The following MYO19 variants were observed in gnomAD, a reference collection of about 807,000 sequenced individuals.
The protein encoded by MYO19 is unconventional myosin-XIX.
MYO19 carries 132 observed loss-of-function variants against 129.2 expected under a neutral mutation model. That is an observed-to-expected ratio of 1.02 (90% CI 0.89 to 1.18). The LOEUF (loss-of-function observed/expected upper bound fraction) is 1.18. Among genes scored for constraint, MYO19 ranks in the 50% most tolerant of loss-of-function variants. The pLI is 0.00. For synonymous variants in MYO19, 531 were observed against 477.2 expected (o/e 1.11, Z -1.47); for missense variants, 1,210 against 1,216.7 (o/e 0.99, Z 0.08).
Position 36,498,496 on chromosome 17 carries a change from C to G in MYO19, c.2527G>C (p.Ala843Pro), listed in dbSNP as rs1253652833. The G allele has an allele frequency of 6.2e-7, 1 of 1,614,050 alleles. No homozygotes were observed. The highest frequency in any genetic ancestry group is 8.5e-7 in the Non-Finnish European group (1 of 1,179,898). The change falls in exon 25 of 26, where the codon GCT becomes CCT. Residue 843 changes from alanine to proline, a missense_variant. Coordinates refer to ENST00000614623, the MANE Select transcript of MYO19 (RefSeq NM_001163735.2). ...GGCGAGGTGCTCAGGGAACAGGGAG[C>G]TTGAGAGAAGTGTTTTTCTTCCACA... ...DGVEEKHFSQ[A>P]PCSLSTSPLQ...
In MYO19 at chr17:36,507,793, C is replaced by A. The variant is rs1329162495; in HGVS notation, c.1353+10G>T. 3 of 1,602,040 alleles carry A rather than the reference C, an allele frequency of 1.9e-6. No individual in the cohort carries two copies. The highest frequency in any genetic ancestry group is 1.7e-5 in the Admixed American group (1 of 58,720). On this transcript the variant is annotated intron_variant, in intron 15 of 25. Coordinates refer to ENST00000614623, the MANE Select transcript of MYO19 (RefSeq NM_001163735.2). ...AGAAGGACCTGCCTCCTGCTCACCC[C>A]ATCCCTCACCTGCTGGGCCCTTAGG...
At chr17:36,498,221 C>A in intron 25 of MYO19, 45 bp downstream of exon 25, 1 of 1,574,772 alleles carries the variant, frequency 6.4e-7, no homozygotes, top group Non-Finnish European at 8.6e-7. Flanking sequence ...TTTGCTCCTG[C>A]TGTTCTCAGG....
Position 36,502,994 on chromosome 17 carries a change from T to G in MYO19, c.2080+103A>C, listed in dbSNP as rs1022821541. Reference sequence around the variant, plus strand: ...ACTGAACCAAAACCAGGGCTGTGTTTTATTCACCAGTAAGCCCCAGCCCCT... The same window carrying G: ...ACTGAACCAAAACCAGGGCTGTGTTGTATTCACCAGTAAGCCCCAGCCCCT... On this transcript the variant is annotated intron_variant, in intron 21 of 25. Transcript: ENST00000614623. The G allele has an allele frequency of 2.0e-5, 19 of 951,970 alleles. No homozygotes were observed. In the African/African-American group the frequency reaches 2.5e-4, roughly 12 times the overall value. The allele number at this position is 951,970 out of a possible 1,614,324, so 59.0% of individuals were successfully genotyped here.
chr17:36,537,396 C>T (rs745493713), upstream of MYO19: 18 of 1,613,806 alleles, frequency 1.1e-5, no homozygotes, highest in South Asian at 5.5e-5. Context: ...TCAAATATAC[C>T]GAAGGAGGAC....
rs1186523222 is a variant in MYO19, at chr17:36,527,666, T to C, written c.185A>G (p.Asp62Gly). 6.2e-7 allele frequency: 1 copy of C among 1,613,752 alleles called. No individual in the cohort carries two copies. The highest frequency in any genetic ancestry group is 8.5e-7 in the Non-Finnish European group (1 of 1,179,840). ...GCAGCCAGCATTGGTGTAGAATGTG[T>C]CTGCCATGTACCGGGCCTGCAGGCA... ...LRCLQARYMA[D>G]TFYTNAGCTL... is the part of the protein sequence containing the mutation. Residue 62 changes from aspartate to glycine, a missense_variant, in exon 5 of 26, where the codon GAC (aspartate) becomes GGC (glycine). Physicochemically the swap from Asp to Gly is moderately conservative, Grantham distance 94. Transcript: ENST00000614623.
rs757136676 is a variant in MYO19 at position 36,501,108 on chromosome 17, C to T, written c.2208G>A (p.Met736Ile). The T allele has an allele frequency of 6.2e-7, 1 of 1,613,952 alleles. No individual in the cohort carries two copies. Among genetic ancestry groups the T allele is most frequent in the Admixed American group, 1.7e-5 (1 of 60,022 alleles). ...GDSAEAMPAP[M>I]HCGRTKVFMT... ...TGAACACCTTGGTCCTGCCACAGTG[C>T]ATGGGGGCTGGCATGGCCTCAGCCG... The change falls in exon 22 of 26, where the codon ATG becomes ATA. Residue 736 changes from methionine to isoleucine, a missense_variant. Physicochemically the swap from Met to Ile is conservative, Grantham distance 10. Coordinates refer to ENST00000614623, the MANE Select transcript of MYO19 (RefSeq NM_001163735.2).
At chr17:36,542,793 G>A (rs2074203763) in intron 1 of MYO19, among the ~76,000 whole-genome samples, 1 of 151,842 alleles carries the variant, frequency 6.6e-6, no homozygotes, top group Non-Finnish European at 1.5e-5. Flanking sequence ...TTGGCTCACT[G>A]CAACTTCCGC....
At chr17:36,529,816 C>T (rs2073720096) in intron 3 of MYO19, among the ~76,000 whole-genome samples, 1 of 152,212 alleles carries the variant, frequency 6.6e-6, no homozygotes, top group Admixed American at 6.5e-5. Flanking sequence ...AGTACCTGGA[C>T]TTGAAAGTTA....
intron 21 of MYO19, 62 bp from the exon 22 acceptor site, chr17:36,501,297 G>A: frequency 6.5e-7 from 1 of 1,537,466 alleles, no homozygotes; most frequent in Middle Eastern, 1.7e-4. Flanking sequence ...GTGGCCTGAA[G>A]AAACTGGCTT....
chr17:36,523,195 A>C (rs555376091), intron 6 of MYO19, among the ~76,000 whole-genome samples: 17 of 151,788 alleles, frequency 1.1e-4, no homozygotes, highest in East Asian at 9.7e-4. Flanking sequence ...AAAAAAAAAA[A>C]AAAAAACAAA....
In MYO19 at chr17:36,532,535, G is replaced by C. The variant is rs747026693; in HGVS notation, c.4C>G (p.Leu2Val). Residue 2 changes from leucine (L) to valine (V), a missense_variant, in exon 3 of 26, where the codon CTC becomes GTC. Transcript: ENST00000614623. ...TAAGGTTGAGGTTTTACCTGCTGGA[G>C]CATCCTCCTTCAAAGTGGTCAGCCA... Reference protein sequence around the residue: MLQQVNGHNPGS... With the variant: MVQQVNGHNPGS... The C allele has an allele frequency of 1.9e-6, 3 of 1,554,884 alleles. No homozygotes were observed. The highest frequency in any genetic ancestry group is 1.4e-5 in the African/African-American group (1 of 73,226).
At chr17:36,505,484 T>C (rs897122777) in intron 18 of MYO19, 80 bp from the exon 19 acceptor site, 6 of 982,676 alleles carry the variant, frequency 6.1e-6, no homozygotes, top group Non-Finnish European at 9.5e-6. Context: ...AGTAACTACA[T>C]CAAATGCCTC....
intron 13 of MYO19, chr17:36,510,058 G>A (rs748331816): frequency 6.6e-6 from 1 of 152,204 alleles, no homozygotes; most frequent in Admixed American, 6.5e-5. Context: ...ATGAAAGCAG[G>A]GGACCCTCTC....
At chr17:36,516,183 T>C (rs2072735529) in intron 6 of MYO19, among the ~76,000 whole-genome samples, 193 bp from the exon 7 acceptor site, 1 of 152,208 alleles carries the variant, frequency 6.6e-6, no homozygotes. Context: ...GGAGTAGACA[T>C]CTGTTTCTCT....
intron 2 of MYO19, among the ~76,000 whole-genome samples, chr17:36,541,240 C>T (rs916995950): frequency 9.2e-5 from 14 of 152,206 alleles, no homozygotes; most frequent in African/African-American, 2.7e-4. Flanking sequence ...CCACCGCACC[C>T]GGCCAATTTT....
At chr17:36,513,280 A>T in intron 11 of MYO19, 149 bp downstream of exon 11, 1 of 1,517,776 alleles carries the variant, frequency 6.6e-7, no homozygotes, top group Non-Finnish European at 8.8e-7. Context: ...TCAGCAGAAC[A>T]GAGGTGACTG....
intron 5 of MYO19, 28 bp from the exon 6 acceptor site, chr17:36,525,369 G>GT: frequency 6.8e-7 from 1 of 1,480,374 alleles, no homozygotes; most frequent in South Asian, 1.1e-5. Flanking sequence ...GAAAGGTCAT[G>GT]TGAGGGAATG....
chr17:36,507,337 T>A, intron 16 of MYO19, 62 bp downstream of exon 16: 1 of 1,508,512 alleles, frequency 6.6e-7, no homozygotes, highest in Non-Finnish European at 9.2e-7. Flanking sequence ...AGGATAATCA[T>A]CAAGGCCCCA....
At chr17:36,539,511 C>T (rs1303140787), upstream of MYO19, among the ~76,000 whole-genome samples, 1 of 152,006 alleles carries the variant, frequency 6.6e-6, no homozygotes, top group Non-Finnish European at 1.5e-5. Flanking sequence ...TGGTGACTCA[C>T]GCCTGTAATC....
Sources: gnomAD v4.1 joint callset for allele counts (sites outside exome capture counted in the v4.1 genomes callset) on GRCh38, gnomAD v4.1.1 for gene constraint, MANE v1.5 for transcripts, NCBI Gene and HGNC (gene_info 2026-07-23, HGNC 2026-07-21) for gene names.